SMIM38: variants seen among roughly 807,000 people sequenced by gnomAD.
SMIM38 encodes the protein small integral membrane protein 38.
Position 69,161,390 on chromosome 11 carries a change from T to C in SMIM38, c.*3294T>C, listed in dbSNP as rs1857053163. On this transcript the variant is annotated 3_prime_UTR_variant, in exon 3 of 3. Coordinates refer to ENST00000686237, the MANE Select transcript of SMIM38 (RefSeq NM_001369201.2). ...TTGGCCATTCTTTGTAATGATGGTC[T>C]TTGTCTTGGACCCTATTTTGGATAT... 2 of 152,262 alleles carry C rather than the reference T, an allele frequency of 1.3e-5. No homozygotes were observed. The highest frequency in any genetic ancestry group is 1.3e-4 in the Admixed American group (2 of 15,294). The allele number at this position is 152,262 out of a possible 1,614,324, so 9.4% of individuals were successfully genotyped here.
In SMIM38 at chr11:69,161,796, G is replaced by T. The variant is rs929319075; in HGVS notation, c.*3700G>T. The T allele has an allele frequency of 3.9e-5, 6 of 152,224 alleles. No individual in the cohort carries two copies. The highest frequency in any genetic ancestry group is 8.8e-5 in the Non-Finnish European group (6 of 68,044). 9.4% of individuals were successfully genotyped at this position (152,224 alleles called of 1,614,324 possible). A position where few individuals can be genotyped will look rare whatever the true frequency, so the allele number is the denominator to read the frequency against. ...GGAATGTCTTCCCCCCAATTCATAT[G>T]TTGAACCTTTAATGCCTAATACTTC... On this transcript the variant is annotated 3_prime_UTR_variant, in exon 3 of 3. Transcript: ENST00000686237.
chr11:69,159,015 G>A lies in SMIM38; in HGVS notation c.*1013G>A, dbSNP rs1296683657. ...GCGGAACTGTGAGATGGAAGGGACT[G>A]TGGGCGGCAGCTCCAGGGAGGAGCA... On this transcript the variant is annotated 3_prime_UTR_variant, in exon 2 of 3. Transcript: ENST00000686237. 5 of 152,316 alleles carry A rather than the reference G, an allele frequency of 3.3e-5. No homozygotes were observed. Among genetic ancestry groups the A allele is most frequent in the African/African-American group, 1.2e-4 (5 of 41,466 alleles). 9.4% of individuals were successfully genotyped at this position (152,316 alleles called of 1,614,324 possible). A position where few individuals can be genotyped will look rare whatever the true frequency, so the allele number is the denominator to read the frequency against.
chr11:69,156,254 C>A (rs1856985309), intron 1 of SMIM38, 140 bp downstream of exon 1: 1 of 152,380 alleles, frequency 6.6e-6, no homozygotes, highest in African/African-American at 2.4e-5. Context: ...AGCGATGGGC[C>A]CCAGATCCCT....
In SMIM38 at chr11:69,158,179, G is replaced by A. The variant is rs1240463674; in HGVS notation, c.*177G>A. The A allele has an allele frequency of 7.6e-6, 3 of 393,678 alleles. No individual in the cohort carries two copies. Among genetic ancestry groups the A allele is most frequent in the Non-Finnish European group, 1.3e-5 (3 of 223,556 alleles). The allele number at this position is 393,678 out of a possible 1,614,324, so 24.4% of individuals were successfully genotyped here. A position where few individuals can be genotyped will look rare whatever the true frequency, so the allele number is the denominator to read the frequency against. Reference sequence around the variant, plus strand: ...TTCCCAGACTGACCAGGGCTGTCCCGTAGAGGCAGCTGGCCATGTGGGGAG... The same window carrying A: ...TTCCCAGACTGACCAGGGCTGTCCCATAGAGGCAGCTGGCCATGTGGGGAG... On this transcript the variant is annotated 3_prime_UTR_variant, in exon 2 of 3. Coordinates refer to ENST00000686237, the MANE Select transcript of SMIM38 (RefSeq NM_001369201.2).
At chr11:69,156,986 G>A (rs1224978483) in intron 1 of SMIM38, among the ~76,000 whole-genome samples, 188 bp from the exon 2 acceptor site, 1 of 152,226 alleles carries the variant, frequency 6.6e-6, no homozygotes, top group African/African-American at 2.4e-5. Flanking sequence ...GCGAGCTGGA[G>A]GGAGGTGCTG....
rs565376503 is a variant in SMIM38 at position 69,158,882 on chromosome 11, C to T, written c.*880C>T. 7.2e-5 allele frequency: 11 copies of T among 152,350 alleles called. No individual in the cohort carries two copies. Among genetic ancestry groups the T allele is most frequent in the African/African-American group, 2.4e-4 (10 of 41,574 alleles). The allele number at this position is 152,350 out of a possible 1,614,324, so 9.4% of individuals were successfully genotyped here. A position where few individuals can be genotyped will look rare whatever the true frequency, so the allele number is the denominator to read the frequency against. The stretch of plus-strand genomic sequence containing the variant: ...TGGGGAAGCTCAAAGGCTCCACATT[C>T]GAGCCTCTTGGGGGAAATTCGGCAA... On this transcript the variant is annotated 3_prime_UTR_variant, in exon 2 of 3. Coordinates refer to ENST00000686237, the MANE Select transcript of SMIM38 (RefSeq NM_001369201.2).
At position 69,157,768 on chromosome 11, in the gene SMIM38, C is replaced by T. The variant is rs954906705; in HGVS notation, c.-79C>T. On this transcript the variant is annotated 5_prime_UTR_variant, in exon 2 of 3. Transcript: ENST00000686237. ...CTGCACAGCAGCCACTTGGCAGTGC[C>T]GGGCTAGGGTGGCAGGGCCCCACTG... is the stretch of plus-strand genomic sequence containing the variant. 3.5e-5 allele frequency: 14 copies of T among 398,084 alleles called. No homozygotes were observed. Among genetic ancestry groups the T allele is most frequent in the African/African-American group, 1.6e-4 (8 of 48,624 alleles). 24.7% of individuals were successfully genotyped at this position (398,084 alleles called of 1,614,324 possible).
Position 69,157,801 on chromosome 11 carries a change from G to T in SMIM38, c.-46G>T, listed in dbSNP as rs753118281. ...GGTGGCAGGGCCCCACTGCATCTCG[G>T]TTCCAGGGCAGAGGCTGCTGCTGCC... On this transcript the variant is annotated 5_prime_UTR_variant, in exon 2 of 3. Transcript: ENST00000686237. 2.5e-6 allele frequency: 1 copy of T among 398,650 alleles called. No homozygotes were observed. The highest frequency in any genetic ancestry group is 4.4e-6 in the Non-Finnish European group (1 of 226,206). 24.7% of individuals were successfully genotyped at this position (398,650 alleles called of 1,614,324 possible).
Position 69,157,679 on chromosome 11 carries a change from G to A in SMIM38, c.-168G>A. 2.5e-6 allele frequency: 1 copy of A among 396,298 alleles called. No homozygotes were observed. The highest frequency in any genetic ancestry group is 3.6e-5 in the East Asian group (1 of 27,996). The allele number at this position is 396,298 out of a possible 1,614,324, so 24.5% of individuals were successfully genotyped here. ...CTGCTTGGTGGCACCAGAGAGAACA[G>A]GGCGGTCCCTTGGGGGCGCCGGCTG... On this transcript the variant is annotated 5_prime_UTR_variant, in exon 2 of 3. Coordinates refer to ENST00000686237, the MANE Select transcript of SMIM38 (RefSeq NM_001369201.2).
intron 1 of SMIM38, among the ~76,000 whole-genome samples, chr11:69,156,892 G>A (rs1232068270): frequency 2.6e-5 from 4 of 152,228 alleles, no homozygotes; most frequent in African/African-American, 9.6e-5. Flanking sequence ...GTGACTGTGA[G>A]GATGTCAGGG....
Position 69,161,241 on chromosome 11 carries a change from G to A in SMIM38, c.*3145G>A, listed in dbSNP as rs984039229. 2.0e-5 allele frequency: 3 copies of A among 152,236 alleles called. No homozygotes were observed. The highest frequency in any genetic ancestry group is 4.4e-5 in the Non-Finnish European group (3 of 68,042). The allele number at this position is 152,236 out of a possible 1,614,324, so 9.4% of individuals were successfully genotyped here. ...ACGTGGCATCCCTGGATGCACAGGA[G>A]GCTGAGAGATAGTGGCGTTTGTTAG... On this transcript the variant is annotated 3_prime_UTR_variant, in exon 3 of 3. Coordinates refer to ENST00000686237, the MANE Select transcript of SMIM38 (RefSeq NM_001369201.2).
Position 69,158,155 on chromosome 11 carries a change from T to G in SMIM38, c.*153T>G, listed in dbSNP as rs547793986. On this transcript the variant is annotated 3_prime_UTR_variant, in exon 2 of 3. Coordinates refer to ENST00000686237, the MANE Select transcript of SMIM38 (RefSeq NM_001369201.2). The stretch of plus-strand genomic sequence containing the variant: ...GAGAGGCCTGAGATGGATCGTGCCT[T>G]CCCAGACTGACCAGGGCTGTCCCGT... 3 of 395,682 alleles carry G rather than the reference T, an allele frequency of 7.6e-6. No homozygotes were observed. Among genetic ancestry groups the G allele is most frequent in the African/African-American group, 6.2e-5 (3 of 48,674 alleles). 24.5% of individuals were successfully genotyped at this position (395,682 alleles called of 1,614,324 possible).
At position 69,158,270 on chromosome 11, in the gene SMIM38, T is replaced by TG. The variant is rs1490317133; in HGVS notation, c.*273dup. On this transcript the variant is annotated 3_prime_UTR_variant, in exon 2 of 3. Coordinates refer to ENST00000686237, the MANE Select transcript of SMIM38 (RefSeq NM_001369201.2). ...GGTCCCCGGTTGCAGGGAGTGGTCC[T>TG]GGGGGTGGGTCTTGCTTTAAGACCT... 8 of 334,320 alleles carry TG rather than the reference T, an allele frequency of 2.4e-5. No individual in the cohort carries two copies. Among genetic ancestry groups the TG allele is most frequent in the Non-Finnish European group, 3.8e-5 (7 of 185,664 alleles). 20.7% of individuals were successfully genotyped at this position (334,320 alleles called of 1,614,324 possible).
rs1857022327 is a variant in SMIM38, at chr11:69,158,814, C to T, written c.*812C>T. On this transcript the variant is annotated 3_prime_UTR_variant, in exon 2 of 3. Coordinates refer to ENST00000686237, the MANE Select transcript of SMIM38 (RefSeq NM_001369201.2). ...AGCATCCAGTGCTCCTGCTCCACCTCCGTAGCACGTTAGCCGTGATGCCAG... is the reference window on the plus strand; with the variant it reads ...AGCATCCAGTGCTCCTGCTCCACCTTCGTAGCACGTTAGCCGTGATGCCAG... The T allele has an allele frequency of 1.3e-5, 2 of 152,318 alleles. No homozygotes were observed. The highest frequency in any genetic ancestry group is 4.1e-4 in the South Asian group (2 of 4,832). The allele number at this position is 152,318 out of a possible 1,614,324, so 9.4% of individuals were successfully genotyped here.
chr11:69,156,591 C>CGTGTGTGTGTGT (rs10651002), intron 1 of SMIM38, among the ~76,000 whole-genome samples: 11 of 150,702 alleles, frequency 7.3e-5, no homozygotes, highest in African/African-American at 2.4e-4. Flanking sequence ...CATGTGTATG[C>CGTGTGTGTGTGT]GTGTGTGTGT....
At chr11:69,156,865 C>A (rs1856992949) in intron 1 of SMIM38, among the ~76,000 whole-genome samples, 1 of 152,216 alleles carries the variant, frequency 6.6e-6, no homozygotes, top group African/African-American at 2.4e-5. Context: ...GAAGGCAGGA[C>A]TGGCCTCCGG....
Position 69,161,630 on chromosome 11 carries a change from G to A in SMIM38, c.*3534G>A, listed in dbSNP as rs1857054623. 2 of 152,176 alleles carry A rather than the reference G, an allele frequency of 1.3e-5. No homozygotes were observed. The allele number at this position is 152,176 out of a possible 1,614,324, so 9.4% of individuals were successfully genotyped here. A position where few individuals can be genotyped will look rare whatever the true frequency, so the allele number is the denominator to read the frequency against. ...CATGCTCCTTCTTAGAGACACATGG[G>A]AACATGCCTCTGCTCACAGCTGGTA... is the stretch of plus-strand genomic sequence containing the variant. On this transcript the variant is annotated 3_prime_UTR_variant, in exon 3 of 3. Transcript: ENST00000686237.
Position 69,158,321 on chromosome 11 carries a change from A to C in SMIM38, c.*319A>C. ...TCTCTGCCTCCAATTCCTTATAAAT[A>C]TGCCTGCAGGAAGAGCTGGGTAAGC... On this transcript the variant is annotated 3_prime_UTR_variant, in exon 2 of 3. Coordinates refer to ENST00000686237, the MANE Select transcript of SMIM38 (RefSeq NM_001369201.2). 4.7e-6 allele frequency: 1 copy of C among 212,160 alleles called. No individual in the cohort carries two copies. The allele number at this position is 212,160 out of a possible 1,614,324, so 13.1% of individuals were successfully genotyped here.
chr11:69,156,351 C>T (rs533967466), intron 1 of SMIM38, among the ~76,000 whole-genome samples: 10 of 152,330 alleles, frequency 6.6e-5, no homozygotes, highest in African/African-American at 2.2e-4. Context: ...AGGACCCAGC[C>T]GCCAGAGACC....
Sources: allele counts gnomAD v4.1 joint callset (sites outside exome capture counted in the v4.1 genomes callset), GRCh38; gene constraint gnomAD v4.1.1; transcripts MANE v1.5; gene names NCBI Gene and HGNC (gene_info 2026-07-23, HGNC 2026-07-21).